NKAIN4: variants seen among roughly 807,000 people sequenced by gnomAD.
NKAIN4 encodes sodium/potassium-transporting ATPase subunit beta-1-interacting protein 4.
A neutral mutation model predicts 28.8 loss-of-function variants in NKAIN4; 28 were observed. The ratio of observed to expected loss-of-function variants is 0.97; its 90% CI spans 0.72 to 1.33. NKAIN4 has a LOEUF of 1.33. Ranked by LOEUF, NKAIN4 falls within the 40% of genes most tolerant of loss-of-function variation. NKAIN4 has a pLI of 0.00. For synonymous variants in NKAIN4, 122 were observed against 115.6 expected (o/e 1.06, Z -0.36); for missense variants, 289 against 277.2 (o/e 1.04, Z -0.30).
chr20:63,247,251 C>G, intron 4 of NKAIN4: 1 of 1,268,200 alleles, frequency 7.9e-7, no homozygotes, highest in Non-Finnish European at 1.0e-6. Context: ...GCCCCTCCTC[C>G]TTGGGGCCGT....
upstream of NKAIN4, chr20:63,254,538 C>T: frequency 3.2e-6 from 3 of 941,878 alleles, no homozygotes; most frequent in Non-Finnish European, 4.2e-6. Flanking sequence ...GCAGCCTGGA[C>T]CCCGCCCCCT....
chr20:63,248,582 T>C (rs1000615464), intron 3 of NKAIN4: 14 of 494,008 alleles, frequency 2.8e-5, no homozygotes, highest in African/African-American at 2.7e-4. Context: ...CCCCCTCGCC[T>C]GCCAATACCC....
intron 6 of NKAIN4, among the ~76,000 whole-genome samples, 177 bp downstream of exon 6, chr20:63,242,362 C>T (rs1221861557): frequency 1.3e-5 from 2 of 152,144 alleles, no homozygotes; most frequent in Admixed American, 1.3e-4. Flanking sequence ...AGCCCCAGTA[C>T]CACCCCAGAG....
chr20:63,254,906 G>A (rs1357915937), upstream of NKAIN4: 1 of 155,068 alleles, frequency 6.4e-6, no homozygotes, highest in Non-Finnish European at 1.4e-5. Flanking sequence ...CCGCATCCGC[G>A]AGGCGTTTTC....
chr20:63,247,412 C>T lies in NKAIN4; in HGVS notation c.471+166G>A, dbSNP rs1351720556. ...CACTGAGGTGCCAGCCACATGGGAC[C>T]CACCCGTGATACCTTAACCTCTCCA... On this transcript the variant is annotated intron_variant, in intron 4 of 6. Coordinates refer to ENST00000370316, the MANE Select transcript of NKAIN4 (RefSeq NM_152864.4). The T allele has an allele frequency of 5.2e-6, 8 of 1,535,894 alleles. No homozygotes were observed. The South Asian group carries it at 9.7e-5, about 19-fold the overall frequency.
Position 63,242,405 on chromosome 20 carries a change from G to GTGGATGGATGGACGGATGGA in NKAIN4, c.617+114_617+133dup, listed in dbSNP as rs1555810977. The GTGGATGGATGGACGGATGGA allele has an allele frequency of 2.2e-4, 161 of 728,008 alleles. No individual in the cohort carries two copies. The African/African-American group carries it at 2.5e-3, about 11-fold the overall frequency. 45.1% of individuals were successfully genotyped at this position (728,008 alleles called of 1,614,324 possible). ...TGAAGCAGATGTTAGAAAAGTGAGA[G>GTGGATGGATGGACGGATGGA]TGGATGGATGGACGGATGGATGGCA... On this transcript the variant is annotated intron_variant, in intron 6 of 6. Coordinates refer to ENST00000370316, the MANE Select transcript of NKAIN4 (RefSeq NM_152864.4).
rs758024523 is a variant in NKAIN4 at position 63,254,388 on chromosome 20, G to A, written c.54+9C>T. On this transcript the variant is annotated intron_variant, in intron 1 of 6. Coordinates refer to ENST00000370316, the MANE Select transcript of NKAIN4 (RefSeq NM_152864.4). ...GCTCCAGGAGGCTCGCGGAGGGGTCGCCACTCACCAGCTGAAAAGCGCAGA... is the reference window on the plus strand; with the variant it reads ...GCTCCAGGAGGCTCGCGGAGGGGTCACCACTCACCAGCTGAAAAGCGCAGA... The A allele has an allele frequency of 5.0e-4, 724 of 1,449,322 alleles. 11 individuals are homozygous for A. Among genetic ancestry groups the A allele is most frequent in the Non-Finnish European group, 5.5e-5 (61 of 1,102,642 alleles). The allele number at this position is 1,449,322 out of a possible 1,614,324, so 89.8% of individuals were successfully genotyped here.
intron 1 of NKAIN4, chr20:63,253,943 C>G (rs964415484): frequency 1.9e-5 from 3 of 159,506 alleles, no homozygotes; most frequent in East Asian, 1.9e-4. Flanking sequence ...CGTCATCGCC[C>G]CACCCGAATC....
chr20:63,244,703 C>A (rs2066824650), intron 4 of NKAIN4, among the ~76,000 whole-genome samples: 1 of 152,214 alleles, frequency 6.6e-6, no homozygotes. Flanking sequence ...CAGGCCGCTG[C>A]AAAGCCCCAC....
In NKAIN4 at chr20:63,244,103, A is replaced by G. The variant is rs976113825; in HGVS notation, c.472-19T>C. On this transcript the variant is annotated intron_variant, in intron 4 of 6. Coordinates refer to ENST00000370316, the MANE Select transcript of NKAIN4 (RefSeq NM_152864.4). ...CCAGAAGCTGAAAGACACCACAGGC[A>G]GGGGCGTGAGTGCGGCCAGGCGAGC... 1.9e-6 allele frequency: 3 copies of G among 1,609,374 alleles called. No homozygotes were observed. Among genetic ancestry groups the G allele is most frequent in the Non-Finnish European group, 2.5e-6 (3 of 1,178,100 alleles).
At chr20:63,243,476 C>T (rs1313744437) in intron 5 of NKAIN4, among the ~76,000 whole-genome samples, 1 of 152,160 alleles carries the variant, frequency 6.6e-6, no homozygotes, top group Non-Finnish European at 1.5e-5. Flanking sequence ...CCACCCGGCT[C>T]TATCCTTCTC....
intron 1 of NKAIN4, chr20:63,253,440 C>T: frequency 1.0e-6 from 1 of 985,564 alleles, no homozygotes; most frequent in Non-Finnish European, 1.2e-6. Flanking sequence ...GCCACGGACT[C>T]CGAGGGTTTC....
chr20:63,248,001 C>T (rs887766531), intron 3 of NKAIN4: 2 of 481,800 alleles, frequency 4.2e-6, no homozygotes, highest in Non-Finnish European at 6.8e-6. Context: ...CACACACCTC[C>T]TCCTCCAGGA....
chr20:63,248,791 C>A (rs117617608), intron 3 of NKAIN4, 24 bp downstream of exon 3: 3 of 1,542,670 alleles, frequency 1.9e-6, no homozygotes, highest in Non-Finnish European at 2.7e-6. Flanking sequence ...AAGGACCTCG[C>A]GCTGCCTCCC....
intron 4 of NKAIN4, chr20:63,247,077 G>A (rs747653211): frequency 1.9e-6 from 2 of 1,027,656 alleles, no homozygotes; most frequent in Non-Finnish European, 2.3e-6. Context: ...TGGGTCACGT[G>A]GCGCCAGCCT....
In NKAIN4 at chr20:63,242,828, G is replaced by A. The variant is rs113931111; in HGVS notation, c.533-205C>T. Among the ~76,000 whole-genome samples the A allele has an allele frequency of 9.1e-4, 136 of 150,132 alleles. 1 individual carries two copies. Among genetic ancestry groups the A allele is most frequent in the African/African-American group, 2.7e-3 (112 of 40,762 alleles). ...CCGGGTCCTCGGCCTGTGCGGGGAC[G>A]GCATCGGGGGACAGTGGGGGTGGGA... On this transcript the variant is annotated intron_variant, in intron 5 of 6. Coordinates refer to ENST00000370316, the MANE Select transcript of NKAIN4 (RefSeq NM_152864.4).
chr20:63,249,030 G>C (rs2066910363), intron 2 of NKAIN4, 135 bp from the exon 3 acceptor site: 2 of 664,768 alleles, frequency 3.0e-6, no homozygotes, highest in Non-Finnish European at 5.4e-6. Flanking sequence ...GCGGCCCCCA[G>C]ATGCACAGCA....
upstream of NKAIN4, chr20:63,254,800 C>G (rs913217157): frequency 9.4e-6 from 2 of 212,200 alleles, no homozygotes; most frequent in African/African-American, 4.6e-5. Flanking sequence ...CGGCGTCCGC[C>G]CCCTCCTGCA....
chr20:63,249,467 C>T (rs2066919161), intron 2 of NKAIN4, among the ~76,000 whole-genome samples: 1 of 152,200 alleles, frequency 6.6e-6, no homozygotes, highest in African/African-American at 2.4e-5. Context: ...TGATTTGGTT[C>T]TGCACTGAAT....
Sources: allele counts gnomAD v4.1 joint callset (sites outside exome capture counted in the v4.1 genomes callset), GRCh38; gene constraint gnomAD v4.1.1; transcripts MANE v1.5; gene names NCBI Gene and HGNC (gene_info 2026-07-23, HGNC 2026-07-21).